Variants in RPS6KA1 observed in about 807,000 individuals in gnomAD.
RPS6KA1 encodes ribosomal protein S6 kinase A1, also known as ribosomal protein S6 kinase alpha-1.
RPS6KA1 carries 48 observed loss-of-function variants against 91.3 expected under a neutral mutation model. That is an observed-to-expected ratio of 0.53 (90% CI 0.42 to 0.67). The LOEUF is 0.67. RPS6KA1 is among the 30% of genes least tolerant of loss of function. The probability of loss-of-function intolerance (pLI) is 0.00; values close to 1 mark genes in which losing one functional copy is unlikely to be tolerated. For synonymous variants in RPS6KA1, 359 were observed against 384.7 expected, an observed-to-expected ratio of 0.93 and a Z score of 0.78; for missense variants, 719 against 960.5, an observed-to-expected ratio of 0.75 and a Z score of 3.32.
At position 26,571,317 on chromosome 1, in the gene RPS6KA1, T is replaced by A; in HGVS notation, c.1591-132T>A. ...AGACCATCATTTCAGCCCCTTCCCC[T>A]TCTCTCGGATGCCAAGTCCATGCAC... is the stretch of plus-strand genomic sequence containing the variant. On this transcript the variant is annotated intron_variant, in intron 17 of 21. Transcript: ENST00000374168. The surrounding 1 kb of genome is among the most constrained non-coding windows in gnomAD (Gnocchi z 5.1). 2 of 785,600 alleles carry A rather than the reference T, an allele frequency of 2.5e-6. No homozygotes were observed. Among genetic ancestry groups the A allele is most frequent in the East Asian group, 2.7e-5 (1 of 37,630 alleles). 48.7% of individuals were successfully genotyped at this position (785,600 alleles called of 1,614,324 possible). A position where few individuals can be genotyped will look rare whatever the true frequency, so the allele number is the denominator to read the frequency against.
chr1:26,572,230 G>A lies in RPS6KA1; in HGVS notation c.1884G>A (p.Arg628=), dbSNP rs140088113. Residue 628 remains arginine (R), a synonymous_variant, in exon 20 of 22, where the codon CGG becomes CGA. Transcript: ENST00000374168. ...ACACACCAGAGGAAATCCTAACCCG[G>A]ATCGGCAGTGGGAAGTTTACCCTCA... ...PSDTPEEILT[R]IGSGKFTLSG... is the part of the protein sequence containing the mutation. 4 of 1,613,902 alleles carry A rather than the reference G, an allele frequency of 2.5e-6. No homozygotes were observed. The African/African-American group carries it at 5.3e-5, about 22-fold the overall frequency.
In RPS6KA1 at chr1:26,571,954, C is replaced by A. The variant is rs760263361; in HGVS notation, c.1829+29C>A. 2.5e-6 allele frequency: 4 copies of A among 1,597,990 alleles called. No individual in the cohort carries two copies. The highest frequency in any genetic ancestry group is 3.4e-6 in the Non-Finnish European group (4 of 1,169,172). ...AGTGCCCCTGGCCTGGACCCTTCCCCACTCCTGCAGCCCTAGCACTTGGGC... is the reference window on the plus strand; with the variant it reads ...AGTGCCCCTGGCCTGGACCCTTCCCAACTCCTGCAGCCCTAGCACTTGGGC... On this transcript the variant is annotated intron_variant, in intron 19 of 21. Transcript: ENST00000374168. This position sits in a 1 kb window ranked among gnomAD's most constrained non-coding sequence, Gnocchi z 5.1.
chr1:26,561,017 C>A lies in RPS6KA1; in HGVS notation c.1342-28C>A. 6.2e-7 allele frequency: 1 copy of A among 1,608,632 alleles called. No homozygotes were observed. The highest frequency in any genetic ancestry group is 8.5e-7 in the Non-Finnish European group (1 of 1,175,830). ...AGGACCCTGGACCCTGTCACCCTGA[C>A]ACTGCCACATGCACCCCCTTTCTTC... On this transcript the variant is annotated intron_variant, in intron 15 of 21. Transcript: ENST00000374168. This position sits in a 1 kb window ranked among gnomAD's most constrained non-coding sequence, Gnocchi z 5.7.
chr1:26,551,416 C>G lies in RPS6KA1; in HGVS notation c.327C>G (p.Thr109=). ...GGCCAGTACGTGACCGCGTCCGGAC[C>G]AAGATGGAGAGAGACATCCTGGCTG... ...ATLKVRDRVR[T]KMERDILADV... is the part of the protein sequence containing the mutation. Residue 109 remains threonine, a synonymous_variant, in exon 5 of 22, where the codon ACC becomes ACG. Coordinates refer to ENST00000374168, the MANE Select transcript of RPS6KA1 (RefSeq NM_002953.4). The surrounding 1 kb of genome is among the most constrained non-coding windows in gnomAD (Gnocchi z 4.5). 2 of 1,614,138 alleles carry G rather than the reference C, an allele frequency of 1.2e-6. No individual in the cohort carries two copies. The highest frequency in any genetic ancestry group is 8.5e-7 in the Non-Finnish European group (1 of 1,180,016).
At position 26,551,443 on chromosome 1, in the gene RPS6KA1, T is replaced by A; in HGVS notation, c.354T>A (p.Asp118Glu). 1 of 1,614,164 alleles carries A rather than the reference T, an allele frequency of 6.2e-7. No homozygotes were observed. The highest frequency in any genetic ancestry group is 8.5e-7 in the Non-Finnish European group (1 of 1,180,028). ...RTKMERDILA[D>E]VNHPFVVKLH... ...AGATGGAGAGAGACATCCTGGCTGA[T>A]GTAAATCACCCATTCGTGGTGAAGC... Residue 118 changes from aspartate (D) to glutamate (E), a missense_variant, in exon 5 of 22, where the codon GAT becomes GAA. Coordinates refer to ENST00000374168, the MANE Select transcript of RPS6KA1 (RefSeq NM_002953.4). This position sits in a 1 kb window ranked among gnomAD's most constrained non-coding sequence, Gnocchi z 4.5.
At chr1:26,544,001 A>G in intron 2 of RPS6KA1, 2 of 443,604 alleles carry the variant, frequency 4.5e-6, no homozygotes, top group South Asian at 3.1e-5. Context: ...GTGGGTCTGC[A>G]AGAAATACGA....
chr1:26,565,902 A>G (rs999592088), intron 17 of RPS6KA1, among the ~76,000 whole-genome samples: 5 of 152,032 alleles, frequency 3.3e-5, no homozygotes, highest in African/African-American at 7.2e-5. Context: ...CTGCCATTCA[A>G]TGTTGTCTTT....
At chr1:26,573,477 C>A (rs763781862) in intron 21 of RPS6KA1, 116 bp downstream of exon 21, 125 of 1,229,356 alleles carry the variant, frequency 1.0e-4, no homozygotes, top group Non-Finnish European at 1.3e-4. Flanking sequence ...TGAGGTGGAA[C>A]ATAGGAGAAG....
intron 4 of RPS6KA1, among the ~76,000 whole-genome samples, chr1:26,550,614 C>T (rs1267138670): frequency 2.6e-5 from 4 of 152,134 alleles, no homozygotes; most frequent in African/African-American, 7.2e-5. Context: ...CCACTGTGCC[C>T]GGCCCAAAAG....
chr1:26,545,728 G>A (rs561924636), intron 2 of RPS6KA1: 30 of 886,258 alleles, frequency 3.4e-5, no homozygotes, highest in African/African-American at 7.1e-5. Context: ...GGAAGGGAAC[G>A]TGGTGAGGGT....
chr1:26,571,667 C>T lies in RPS6KA1; in HGVS notation c.1752+57C>T. The T allele has an allele frequency of 6.3e-7, 1 of 1,583,726 alleles. No individual in the cohort carries two copies. On this transcript the variant is annotated intron_variant, in intron 18 of 21. Transcript: ENST00000374168. The surrounding 1 kb of genome is among the most constrained non-coding windows in gnomAD (Gnocchi z 5.1). ...TGAGGGGGAATTGGAGGCCTTGTGC[C>T]CCCTCCCAGAGGCCCCACATTAGCC...
intron 1 of RPS6KA1, 26 bp from the exon 2 acceptor site, chr1:26,536,899 C>T: frequency 6.2e-7 from 1 of 1,613,628 alleles, no homozygotes; most frequent in Non-Finnish European, 8.5e-7. Flanking sequence ...TGACAGTGCT[C>T]CCCCAATCTC....
At position 26,561,475 on chromosome 1, in the gene RPS6KA1, A is replaced by G; in HGVS notation, c.1432-30A>G. ...AGGGGGCTCAGGCCTGACACTGGGG[A>G]GAAGAGCCTGATGGTGAGGTCTTCG... On this transcript the variant is annotated intron_variant, in intron 16 of 21. Transcript: ENST00000374168. The surrounding 1 kb of genome is among the most constrained non-coding windows in gnomAD (Gnocchi z 5.7). 1.2e-6 allele frequency: 2 copies of G among 1,613,992 alleles called. No individual in the cohort carries two copies. The highest frequency in any genetic ancestry group is 1.7e-6 in the Non-Finnish European group (2 of 1,179,918).
chr1:26,556,918 C>A, intron 12 of RPS6KA1, 80 bp from the exon 13 acceptor site: 1 of 1,269,910 alleles, frequency 7.9e-7, no homozygotes, highest in Non-Finnish European at 1.2e-6. Flanking sequence ...TGTTCCAAGC[C>A]CAGCACCTCC....
intron 1 of RPS6KA1, among the ~76,000 whole-genome samples, chr1:26,534,796 G>T (rs1331584564): frequency 3.3e-5 from 5 of 152,204 alleles, no homozygotes; most frequent in Admixed American, 1.3e-4. Context: ...AACCCACAAG[G>T]TCAGGTTGCA....
Position 26,546,904 on chromosome 1 carries a change from A to G in RPS6KA1, c.146A>G (p.His49Arg). The G allele has an allele frequency of 1.2e-6, 2 of 1,614,084 alleles. No homozygotes were observed. Among genetic ancestry groups the G allele is most frequent in the Non-Finnish European group, 1.7e-6 (2 of 1,179,992 alleles). The change falls in exon 3 of 22, where the codon CAC becomes CGC. Residue 49 changes from histidine (H) to arginine (R), a missense_variant. Transcript: ENST00000374168. ...GVLKEISITH[H>R]VKAGSEKADP... ...CTCAAGGAGATCTCCATCACGCACC[A>G]CGTCAAGGCTGGCTCTGAGAAGGCT...
rs1570448369 is a variant in RPS6KA1, at chr1:26,558,045, T to C, written c.1085-762T>C. ...GGTTTCACCATGTTGGCCAGGCTGG[T>C]CTCGAACTCCTGACCTCAGGTGATC... is the stretch of plus-strand genomic sequence containing the variant. On this transcript the variant is annotated intron_variant, in intron 13 of 21. Coordinates refer to ENST00000374168, the MANE Select transcript of RPS6KA1 (RefSeq NM_002953.4). This position sits in a 1 kb window ranked among gnomAD's most constrained non-coding sequence, Gnocchi z 4.0. 6.6e-6 allele frequency among the ~76,000 whole-genome samples: 1 copy of C among 151,924 alleles called. No individual in the cohort carries two copies. Among genetic ancestry groups the C allele is most frequent in the African/African-American group, 2.4e-5 (1 of 41,352 alleles).
intron 2 of RPS6KA1, among the ~76,000 whole-genome samples, chr1:26,546,280 C>T (rs1377895332): frequency 6.6e-6 from 1 of 152,178 alleles, no homozygotes; most frequent in African/African-American, 2.4e-5. Flanking sequence ...AAGGGGCTTC[C>T]AGTAGGTTTG....
intron 2 of RPS6KA1, among the ~76,000 whole-genome samples, chr1:26,546,549 C>T (rs140349684): frequency 2.9e-4 from 44 of 152,328 alleles, no homozygotes; most frequent in African/African-American, 8.7e-4. Context: ...GGAAGCCCCA[C>T]GGGCGGACCT....
Sources: allele counts gnomAD v4.1 joint callset (sites outside exome capture counted in the v4.1 genomes callset), GRCh38; gene constraint gnomAD v4.1.1; non-coding constraint Gnocchi (gnomAD v3.1); transcripts MANE v1.5; gene names NCBI Gene and HGNC (gene_info 2026-07-23, HGNC 2026-07-21).